SLC4A5: variants seen among roughly 807,000 people sequenced by gnomAD.
The protein encoded by SLC4A5 is electrogenic sodium bicarbonate cotransporter 4.
A neutral mutation model predicts 120.4 loss-of-function variants in SLC4A5; 96 were observed. The observed-to-expected ratio is 0.80, with a 90% CI of 0.68 to 0.94. The LOEUF is 0.94. Ranked by LOEUF, SLC4A5 falls within the 40% of genes least tolerant of loss-of-function variation. SLC4A5 has a pLI of 0.00. For synonymous variants in SLC4A5, 550 were observed against 571.1 expected (o/e 0.96, Z 0.53); for missense variants, 1,259 against 1,459.5 (o/e 0.86, Z 2.24).
At chr2:74,262,230 G>T (rs778029081) in exon 11 of SLC4A5, 3 of 1,613,570 alleles carry the variant, frequency 1.9e-6, no homozygotes, top group Non-Finnish European at 8.5e-7. Flanking sequence ...GCAGGACTGC[G>T]ATCTGGGAGG....
At chr2:74,226,807 AG>A in intron 27 of SLC4A5, 149 bp downstream of exon 27, 1 of 869,420 alleles carries the variant, frequency 1.2e-6, no homozygotes, top group Non-Finnish European at 1.8e-6. Flanking sequence ...AACTCAAATC[AG>A]GTCATTCTGT....
At chr2:74,274,354 T>C (rs948117403) in intron 8 of SLC4A5, among the ~76,000 whole-genome samples, 1 of 152,254 alleles carries the variant, frequency 6.6e-6, no homozygotes, top group Non-Finnish European at 1.5e-5. Flanking sequence ...TTACAATTTA[T>C]TTGGCTAATT....
intron 6 of SLC4A5, chr2:74,307,106 C>G: frequency 1.8e-6 from 1 of 551,696 alleles, no homozygotes; most frequent in Non-Finnish European, 3.4e-6. Context: ...TCTCCAAGGA[C>G]TGGACTGTAC....
intron 20 of SLC4A5, among the ~76,000 whole-genome samples, chr2:74,241,014 C>CA (rs1329991761): frequency 6.6e-6 from 1 of 152,088 alleles, no homozygotes; most frequent in East Asian, 1.9e-4. Context: ...CTGGGAAAGG[C>CA]AGACCATACC....
intron 29 of SLC4A5, among the ~76,000 whole-genome samples, 153 bp downstream of exon 29, chr2:74,222,706 AACTATCTTG>A (rs1694693996): frequency 6.6e-6 from 1 of 152,202 alleles, no homozygotes; most frequent in African/African-American, 2.4e-5. Flanking sequence ...TCCGTGGAAA[AACTATCTTG>A]CACAAAACTT....
intron 17 of SLC4A5, 90 bp downstream of exon 17, chr2:74,250,253 T>C (rs983514872): frequency 7.2e-7 from 1 of 1,387,110 alleles, no homozygotes; most frequent in African/African-American, 1.4e-5. Flanking sequence ...AGATGAAACC[T>C]TGGTTTTGGG....
chr2:74,254,328 C>T (rs1266651900), intron 14 of SLC4A5, among the ~76,000 whole-genome samples: 2 of 152,180 alleles, frequency 1.3e-5, no homozygotes, highest in African/African-American at 4.8e-5. Context: ...GTCTACCTTC[C>T]TCCTGCTCCT....
chr2:74,285,636 A>C (rs1276316026), intron 8 of SLC4A5, 137 bp downstream of exon 8: 10 of 976,880 alleles, frequency 1.0e-5, no homozygotes, highest in Non-Finnish European at 1.5e-5. Flanking sequence ...TCTGGACACC[A>C]AGGAAGGCAG....
chr2:74,224,969 C>T (rs1262842310), exon 28 of SLC4A5: 3 of 1,614,098 alleles, frequency 1.9e-6, no homozygotes, highest in South Asian at 2.2e-5. Context: ...AATCCAGAAG[C>T]CTTCGAACGA....
At chr2:74,296,870 G>A (rs1181105228) in intron 7 of SLC4A5, among the ~76,000 whole-genome samples, 1 of 151,712 alleles carries the variant, frequency 6.6e-6, no homozygotes, top group Non-Finnish European at 1.5e-5. Flanking sequence ...CCTTAGTGCA[G>A]GAGATGTTTT....
chr2:74,255,794 C>T lies in SLC4A5; in HGVS notation c.1006G>A (p.Glu336Lys). The T allele has an allele frequency of 1.2e-6, 2 of 1,614,136 alleles. No homozygotes were observed. The highest frequency in any genetic ancestry group is 2.2e-5 in the East Asian group (1 of 44,882). ...TCTCACCTGGTGGGGACAGGCACCT[C>T]GGTCACTCCTCCCAGCATGGCCGAC... The change falls in exon 13 of 31, where the codon GAG becomes AAG. Residue 336 changes from glutamate to lysine, a missense_variant. Coordinates refer to ENST00000394019, the Ensembl canonical transcript of SLC4A5. The surrounding 1 kb of genome is among the most constrained non-coding windows in gnomAD (Gnocchi z 4.0).
chr2:74,218,729 T>G (rs892218844), exon 31 of SLC4A5: 4 of 152,666 alleles, frequency 2.6e-5, no homozygotes, highest in Non-Finnish European at 5.9e-5. Flanking sequence ...CCATGAACAC[T>G]GGGTTCCGTG....
At chr2:74,317,863 G>C (rs1280066563) in intron 5 of SLC4A5, among the ~76,000 whole-genome samples, 1 of 152,166 alleles carries the variant, frequency 6.6e-6, no homozygotes, top group Non-Finnish European at 1.5e-5. Flanking sequence ...CATTCAACAA[G>C]TCCAGCCTGG....
chr2:74,334,114 C>T (rs1673428629), exon 4 of SLC4A5: 1 of 152,204 alleles, frequency 6.6e-6, no homozygotes, highest in African/African-American at 2.4e-5. Flanking sequence ...TTCTTGTCTG[C>T]TTTAGCTGTT....
At chr2:74,250,725 G>A (rs1338341162) in intron 16 of SLC4A5, 2 of 574,946 alleles carry the variant, frequency 3.5e-6, no homozygotes, top group African/African-American at 3.8e-5. Context: ...ATTGGGAAGG[G>A]TGGACATAGA....
chr2:74,311,748 A>ATATC (rs1434511315), intron 6 of SLC4A5, among the ~76,000 whole-genome samples: 9 of 152,194 alleles, frequency 5.9e-5, no homozygotes, highest in Non-Finnish European at 2.9e-5. Flanking sequence ...TGGATATTCT[A>ATATC]CATGAGCTTG....
At chr2:74,291,250 TA>T (rs1171313774) in intron 7 of SLC4A5, among the ~76,000 whole-genome samples, 1 of 152,214 alleles carries the variant, frequency 6.6e-6, no homozygotes, top group Non-Finnish European at 1.5e-5. Flanking sequence ...GAGTGTGAGG[TA>T]AACTCCACTG....
In SLC4A5 at chr2:74,290,506, T is replaced by C. The variant is rs1014249007; in HGVS notation, c.272-4604A>G. 8.1e-5 allele frequency: 80 copies of C among 984,448 alleles called. No individual in the cohort carries two copies. The African/African-American group carries it at 1.3e-3, about 16-fold the overall frequency. The allele number at this position is 984,448 out of a possible 1,614,324, so 61.0% of individuals were successfully genotyped here. ...AGAGAGGCTATATGTAGAGAGAATA[T>C]AGGTGTGGTAAGTGTAAGTGTGAGA... On this transcript the variant is annotated intron_variant, in intron 7 of 30. Transcript: ENST00000394019.
Position 74,221,290 on chromosome 2 carries a change from G to C in SLC4A5, c.*33+144C>G, listed in dbSNP as rs7572962. 5.5e-3 allele frequency: 3,192 copies of C among 579,512 alleles called. 78 individuals are homozygous for C. The highest frequency in any genetic ancestry group is 0.055 in the African/African-American group (2,926 of 53,460). 35.9% of individuals were successfully genotyped at this position (579,512 alleles called of 1,614,324 possible). On this transcript the variant is annotated intron_variant, in intron 30 of 30. Transcript: ENST00000394019. ...TGGCCCTGAATGATGAGTCAGGTTT[G>C]TCAGCCTTTGACTCCCAGTTGGGGG...
Sources: allele counts gnomAD v4.1 joint callset (sites outside exome capture counted in the v4.1 genomes callset), GRCh38; gene constraint gnomAD v4.1.1; non-coding constraint Gnocchi (gnomAD v3.1); transcripts MANE v1.5; gene names NCBI Gene and HGNC (gene_info 2026-07-23, HGNC 2026-07-21).